BAALC: variants seen among roughly 807,000 people sequenced by gnomAD.
BAALC encodes the protein brain and acute leukemia cytoplasmic protein.
Under a neutral mutation model 15.5 loss-of-function variants are expected in BAALC, and 9 were observed. The ratio of observed to expected loss-of-function variants is 0.58; its 90% confidence interval spans 0.35 to 1.02. BAALC has a LOEUF of 1.02. Ranked by LOEUF, BAALC falls within the 50% of genes least tolerant of loss-of-function variation. BAALC has a pLI of 0.02. For missense variants in BAALC, 201 were observed against 192.4 expected (o/e 1.04, Z -0.27); for synonymous variants, 80 against 74.6 (o/e 1.07, Z -0.37).
intron 1 of BAALC, chr8:103,191,504 T>C (rs1226366539): frequency 6.6e-6 from 1 of 152,128 alleles, no homozygotes; most frequent in African/African-American, 2.4e-5. Context: ...CAAAGAAATA[T>C]CAGTTTTGCT....
At chr8:103,198,063 C>T in intron 1 of BAALC, 1 of 690,892 alleles carries the variant, frequency 1.4e-6, no homozygotes, top group South Asian at 1.5e-5. Flanking sequence ...TTCTTACGAA[C>T]AACTATAATT....
At chr8:103,183,245 C>A in intron 1 of BAALC, 1 of 664,002 alleles carries the variant, frequency 1.5e-6, no homozygotes, top group Non-Finnish European at 2.8e-6. Context: ...AGCAAGATGG[C>A]CAAGAGTCCT....
chr8:103,167,216 C>T (rs1377993912), intron 1 of BAALC, among the ~76,000 whole-genome samples: 1 of 152,164 alleles, frequency 6.6e-6, no homozygotes, highest in Non-Finnish European at 1.5e-5. Flanking sequence ...GTGGCCTTAC[C>T]CTAAATGAAT....
chr8:103,191,657 G>A (rs954663907), intron 1 of BAALC, among the ~76,000 whole-genome samples: 4 of 151,998 alleles, frequency 2.6e-5, no homozygotes, highest in Non-Finnish European at 5.9e-5. Context: ...GATCACACAA[G>A]CAGGTTACGG....
At chr8:103,149,103 G>A (rs1201895273) in intron 1 of BAALC, among the ~76,000 whole-genome samples, 1 of 152,204 alleles carries the variant, frequency 6.6e-6, no homozygotes, top group Non-Finnish European at 1.5e-5. Context: ...TCAGAATTCA[G>A]GTCTCTTGTT....
chr8:103,187,566 G>T (rs28735228), intron 1 of BAALC, among the ~76,000 whole-genome samples: 17,465 of 152,170 alleles, frequency 0.11, 1,049 homozygotes, highest in South Asian at 0.14. Flanking sequence ...GCTTAGAGTG[G>T]CCCCCAGGTA....
intron 2 of BAALC, chr8:103,213,669 G>C (rs578192452): frequency 2.0e-5 from 3 of 152,696 alleles, no homozygotes; most frequent in Admixed American, 1.3e-4. Context: ...TCCTCTTATG[G>C]GTACAGGAGG....
chr8:103,141,642 T>G (rs1172177253), intron 1 of BAALC, among the ~76,000 whole-genome samples: 2 of 152,218 alleles, frequency 1.3e-5, no homozygotes, highest in African/African-American at 2.4e-5. Flanking sequence ...TCAAAATAAA[T>G]GCACCCCGCC....
intron 1 of BAALC, chr8:103,171,787 G>C (rs1056234880): frequency 6.6e-6 from 1 of 152,192 alleles, no homozygotes; most frequent in Non-Finnish European, 1.5e-5. Flanking sequence ...TCTCGTGTCA[G>C]AGTGAGGACC....
intron 2 of BAALC, among the ~76,000 whole-genome samples, chr8:103,217,582 C>T (rs1294739724): frequency 2.6e-5 from 4 of 152,144 alleles, no homozygotes; most frequent in Non-Finnish European, 5.9e-5. Flanking sequence ...ATATGAGCTA[C>T]TAGCATTTCA....
intron 1 of BAALC, among the ~76,000 whole-genome samples, chr8:103,184,742 T>C (rs1811795660): frequency 6.6e-6 from 1 of 152,130 alleles, no homozygotes; most frequent in Non-Finnish European, 1.5e-5. Context: ...GCTAAAGAAG[T>C]TCAACTTAAA....
chr8:103,207,388 T>A (rs1812354373), intron 1 of BAALC, among the ~76,000 whole-genome samples: 1 of 152,104 alleles, frequency 6.6e-6, no homozygotes, highest in Non-Finnish European at 1.5e-5. Context: ...ACCAGTAAAT[T>A]TTTAGAGAAG....
At chr8:103,182,901 C>T (rs1811758985) in intron 1 of BAALC, among the ~76,000 whole-genome samples, 1 of 152,192 alleles carries the variant, frequency 6.6e-6, no homozygotes, top group African/African-American at 2.4e-5. Context: ...GCTTCCAGGA[C>T]TTCTTCCCCA....
chr8:103,206,634 G>A (rs906183737), intron 1 of BAALC, among the ~76,000 whole-genome samples: 2 of 152,148 alleles, frequency 1.3e-5, no homozygotes, highest in Admixed American at 6.5e-5. Flanking sequence ...GAGAAGGGGA[G>A]AGTGAGACTG....
Position 103,228,199 on chromosome 8 carries a change from C to A in BAALC, c.*100C>A. 1.2e-6 allele frequency: 1 copy of A among 807,110 alleles called. No homozygotes were observed. Among genetic ancestry groups the A allele is most frequent in the Non-Finnish European group, 2.0e-6 (1 of 497,430 alleles). 50.0% of individuals were successfully genotyped at this position (807,110 alleles called of 1,614,324 possible). A position where few individuals can be genotyped will look rare whatever the true frequency, so the allele number is the denominator to read the frequency against. ...GAAGAAGTGGCTGCCCCTTGCTGGA[C>A]CTGAATTCTACTGAGTCCCTGGCAA... On this transcript the variant is annotated 3_prime_UTR_variant, in exon 3 of 3. Transcript: ENST00000309982.
chr8:103,205,622 G>A (rs1812310860), intron 1 of BAALC, among the ~76,000 whole-genome samples: 1 of 152,150 alleles, frequency 6.6e-6, no homozygotes, highest in African/African-American at 2.4e-5. Context: ...TAGAATCCCT[G>A]GGGGTGGGAT....
intron 1 of BAALC, among the ~76,000 whole-genome samples, chr8:103,170,235 CTT>C (rs35384925): frequency 1.6e-4 from 23 of 140,360 alleles, no homozygotes; most frequent in Admixed American, 2.1e-4. Context: ...TTCAATGAGC[CTT>C]TTTTTTTTTT....
At chr8:103,202,799 T>C (rs1308352957) in intron 1 of BAALC, 1 of 152,244 alleles carries the variant, frequency 6.6e-6, no homozygotes, top group Non-Finnish European at 1.5e-5. Context: ...TGGCAGTACC[T>C]GCCTTGAAGA....
At chr8:103,212,835 A>C in intron 1 of BAALC, 84 bp from the exon 2 acceptor site, 5 of 1,432,304 alleles carry the variant, frequency 3.5e-6, no homozygotes, top group South Asian at 1.5e-5. Context: ...CATTTTGACT[A>C]TCTGTTTCTC....
Sources: gnomAD v4.1 joint callset for allele counts (sites outside exome capture counted in the v4.1 genomes callset) on GRCh38, gnomAD v4.1.1 for gene constraint, MANE v1.5 for transcripts, NCBI Gene and HGNC (gene_info 2026-07-23, HGNC 2026-07-21) for gene names.